KCNIP4: variants seen among roughly 807,000 people sequenced by gnomAD.
KCNIP4 encodes the protein potassium voltage-gated channel interacting protein 4.
A neutral mutation model predicts 34.0 loss-of-function variants in KCNIP4; 12 were observed. The observed-to-expected ratio is 0.35, with a 90% CI of 0.23 to 0.57. The LOEUF (loss-of-function observed/expected upper bound fraction) is 0.57, where lower values mean the gene tolerates loss of function less well. Among genes scored for constraint, KCNIP4 ranks in the 20% least tolerant of loss-of-function variants. The pLI is 0.83. For missense variants in KCNIP4, 238 were observed against 311.7 expected (o/e 0.76, Z 1.78); for synonymous variants, 124 against 102.2 (o/e 1.21, Z -1.29).
Position 21,306,309 on chromosome 4 carries a change from G to C in KCNIP4, c.62-423600C>G, listed in dbSNP as rs376709087. 7.2e-5 allele frequency among the ~76,000 whole-genome samples: 11 copies of C among 152,248 alleles called. No individual in the cohort carries two copies. The East Asian group carries it at 9.7e-4, about 13-fold the overall frequency. On this transcript the variant is annotated intron_variant, in intron 1 of 8. Transcript: ENST00000382152. ...AAATGAATTAAAAATCCAAATATTGGCACAAGTGCTTATCAGCATGGGGTG... is the reference window on the plus strand; with the variant it reads ...AAATGAATTAAAAATCCAAATATTGCCACAAGTGCTTATCAGCATGGGGTG...
chr4:20,830,543 G>T (rs761865275), intron 3 of KCNIP4, among the ~76,000 whole-genome samples: 2 of 152,132 alleles, frequency 1.3e-5, no homozygotes, highest in Non-Finnish European at 2.9e-5. Flanking sequence ...AGAAGTTTCT[G>T]TTATAATTCT....
intron 1 of KCNIP4, among the ~76,000 whole-genome samples, chr4:21,635,991 G>C (rs1290179937): frequency 6.6e-6 from 1 of 151,792 alleles, no homozygotes; most frequent in Non-Finnish European, 1.5e-5. Context: ...CCTTTGTAGG[G>C]ACATGGATGA....
At chr4:21,345,913 G>A (rs1242774844) in intron 1 of KCNIP4, among the ~76,000 whole-genome samples, 1 of 150,628 alleles carries the variant, frequency 6.6e-6, no homozygotes, top group Non-Finnish European at 1.5e-5. Flanking sequence ...TGGAGGATTT[G>A]ATGAAGGCAG....
chr4:20,805,191 T>A (rs1184454361), intron 3 of KCNIP4, among the ~76,000 whole-genome samples: 38 of 53,276 alleles, frequency 7.1e-4, no homozygotes, highest in Non-Finnish European at 1.1e-3. Flanking sequence ...GCTTCCTTTT[T>A]TTTTTTTTTT....
At chr4:20,909,504 T>A (rs893735925) in intron 1 of KCNIP4, among the ~76,000 whole-genome samples, 1 of 151,990 alleles carries the variant, frequency 6.6e-6, no homozygotes, top group African/African-American at 2.4e-5. Context: ...CAGACTATCA[T>A]CCCCCAAAGC....
intron 1 of KCNIP4, among the ~76,000 whole-genome samples, chr4:21,537,726 G>A (rs1362929516): frequency 6.6e-6 from 1 of 151,972 alleles, no homozygotes; most frequent in African/African-American, 2.4e-5. Context: ...CAAGAAGAGG[G>A]AAATTGACCT....
intron 1 of KCNIP4, among the ~76,000 whole-genome samples, chr4:21,091,844 A>C (rs370144541): frequency 6.6e-6 from 1 of 152,166 alleles, no homozygotes; most frequent in South Asian, 2.1e-4. Context: ...TACCTCCTAC[A>C]GACCCCACCT....
At chr4:21,885,062 T>C (rs1048679944) in intron 1 of KCNIP4, among the ~76,000 whole-genome samples, 1 of 152,138 alleles carries the variant, frequency 6.6e-6, no homozygotes, top group African/African-American at 2.4e-5. Context: ...ACTTTGACCA[T>C]TAGAATATAA....
chr4:20,808,687 A>G (rs1334529538), intron 3 of KCNIP4, among the ~76,000 whole-genome samples: 1 of 152,108 alleles, frequency 6.6e-6, no homozygotes, highest in Non-Finnish European at 1.5e-5. Flanking sequence ...CCCTTTGTTA[A>G]AGGAGTAGCA....
chr4:21,897,969 C>T (rs182985780), intron 1 of KCNIP4, among the ~76,000 whole-genome samples: 54 of 152,210 alleles, frequency 3.5e-4, no homozygotes, highest in African/African-American at 1.3e-3. Flanking sequence ...AGGGAAAGTG[C>T]AGTGATTATG....
chr4:21,514,555 T>A lies in KCNIP4; in HGVS notation c.61+434016A>T, dbSNP rs189992419. On this transcript the variant is annotated intron_variant, in intron 1 of 8. Transcript: ENST00000382152. ...ATGGGAAAAATAGTAACTAAATAATTATGGCTCTTCTTTCCTCAAAAGAAT... is the reference window on the plus strand; with the variant it reads ...ATGGGAAAAATAGTAACTAAATAATAATGGCTCTTCTTTCCTCAAAAGAAT... Among the ~76,000 whole-genome samples the A allele has an allele frequency of 1.8e-3, 278 of 152,124 alleles. 1 individual carries two copies. The highest frequency in any genetic ancestry group is 6.4e-3 in the African/African-American group (264 of 41,500).
rs193025294 is a variant in KCNIP4, at chr4:21,318,841, A to G, written c.62-436132T>C. 7.8e-3 allele frequency among the ~76,000 whole-genome samples: 1,189 copies of G among 152,286 alleles called. 49 individuals carry two copies. The highest frequency in any genetic ancestry group is 0.07 in the Admixed American group (1,075 of 15,278). On this transcript the variant is annotated intron_variant, in intron 1 of 8. Coordinates refer to ENST00000382152, the MANE Select transcript of KCNIP4 (RefSeq NM_025221.6). ...TCTTGGGTTTTTATTTTTCCTGGAC[A>G]TTAGAAACATGAAGAGTCTTTCAAT...
At chr4:21,540,438 G>A (rs1737584462) in intron 1 of KCNIP4, among the ~76,000 whole-genome samples, 1 of 152,146 alleles carries the variant, frequency 6.6e-6, no homozygotes, top group Non-Finnish European at 1.5e-5. Flanking sequence ...ACTTCAGCAT[G>A]AAGGCTCAAA....
chr4:20,863,073 G>A (rs1435184429), intron 2 of KCNIP4, among the ~76,000 whole-genome samples: 1 of 152,108 alleles, frequency 6.6e-6, no homozygotes, highest in African/African-American at 2.4e-5. Flanking sequence ...CCTAGACAGA[G>A]CCAATTTATC....
At chr4:20,813,450 G>A (rs866559888) in intron 3 of KCNIP4, among the ~76,000 whole-genome samples, 1 of 152,130 alleles carries the variant, frequency 6.6e-6, no homozygotes, top group Admixed American at 6.5e-5. Flanking sequence ...ATTGGATAGT[G>A]CTTGGACAAC....
chr4:21,495,593 T>C (rs932527284), intron 1 of KCNIP4, among the ~76,000 whole-genome samples: 2 of 152,118 alleles, frequency 1.3e-5, no homozygotes, highest in African/African-American at 2.4e-5. Context: ...ACTTACCTTT[T>C]TTTTTTTCTG....
chr4:21,478,459 CAAACA>C (rs774980921), intron 1 of KCNIP4, among the ~76,000 whole-genome samples: 149 of 152,204 alleles, frequency 9.8e-4, no homozygotes, highest in African/African-American at 3.4e-3. Context: ...GGGGAAATAG[CAAACA>C]AAACAAAACT....
chr4:21,403,934 C>T (rs1408349267), intron 1 of KCNIP4, among the ~76,000 whole-genome samples: 1 of 152,190 alleles, frequency 6.6e-6, no homozygotes, highest in African/African-American at 2.4e-5. Flanking sequence ...ATGACTTAAT[C>T]ACTCTCCCAA....
chr4:21,321,308 A>AATG (rs1714387966), intron 1 of KCNIP4, among the ~76,000 whole-genome samples: 1 of 152,142 alleles, frequency 6.6e-6, no homozygotes, highest in Non-Finnish European at 1.5e-5. Flanking sequence ...CCATTTAGAG[A>AATG]ATGATAAAAA....
Sources: allele counts gnomAD v4.1 joint callset (sites outside exome capture counted in the v4.1 genomes callset), GRCh38; gene constraint gnomAD v4.1.1; transcripts MANE v1.5; gene names NCBI Gene and HGNC (gene_info 2026-07-23, HGNC 2026-07-21).